FMN1: variants seen among roughly 807,000 people sequenced by gnomAD.
FMN1 encodes the protein formin-1.
Under a neutral mutation model 132.4 loss-of-function variants are expected in FMN1, and 110 were observed. The observed-to-expected ratio is 0.83, with a 90% CI of 0.71 to 0.97. The LOEUF is 0.97. Ranked by LOEUF, FMN1 falls within the 50% of genes least tolerant of loss-of-function variation. The pLI is 0.00. For synonymous variants in FMN1, 722 were observed against 651.7 expected (o/e 1.11, Z -1.64); for missense variants, 1,792 against 1,705.3 (o/e 1.05, Z -0.90).
At chr15:32,992,491 T>A (rs1414594364) in intron 7 of FMN1, among the ~76,000 whole-genome samples, 1 of 152,148 alleles carries the variant, frequency 6.6e-6, no homozygotes, top group Non-Finnish European at 1.5e-5. Flanking sequence ...ATTAGAAATA[T>A]CAAAAGATGC....
intron 12 of FMN1, among the ~76,000 whole-genome samples, chr15:32,904,216 T>TG (rs1435304587): frequency 6.6e-6 from 1 of 151,952 alleles, no homozygotes; most frequent in Admixed American, 6.6e-5. Flanking sequence ...TCAAGTGTCA[T>TG]GGGGGGAACA....
chr15:32,861,414 A>AT (rs2059265374), intron 16 of FMN1, among the ~76,000 whole-genome samples: 1 of 152,198 alleles, frequency 6.6e-6, no homozygotes, highest in Admixed American at 6.5e-5. Context: ...TTATGAGGCC[A>AT]TATCATGGGG....
chr15:33,136,065 A>G (rs1053465396), intron 4 of FMN1, among the ~76,000 whole-genome samples: 1 of 152,258 alleles, frequency 6.6e-6, no homozygotes, highest in Admixed American at 6.5e-5. Flanking sequence ...AGATATAAAT[A>G]TAAATAATCA....
intron 15 of FMN1, among the ~76,000 whole-genome samples, chr15:32,894,890 TA>T (rs889389480): frequency 6.6e-6 from 1 of 152,064 alleles, no homozygotes; most frequent in Non-Finnish European, 1.5e-5. Flanking sequence ...GGTATTATAC[TA>T]TATGTTATTT....
In FMN1 at chr15:32,926,183, T is replaced by A; in HGVS notation, c.3217A>T (p.Ile1073Phe). ...ISSLHLEMKD[I>F]QQAIFNVDDS... ...GATAGAAAAGACTTACCCTGTTGGA[T>A]ATCCTTCATTTCTAAATGTAAACTA... Residue 1073 changes from isoleucine (I) to phenylalanine (F), a missense_variant, in exon 10 of 21, where the codon ATC becomes TTC. Ile to Phe is a conservative substitution (Grantham distance 21). Coordinates refer to ENST00000616417, the MANE Select transcript of FMN1 (RefSeq NM_001277313.2). The A allele has an allele frequency of 6.6e-7, 1 of 1,513,164 alleles. No homozygotes were observed. Among genetic ancestry groups the A allele is most frequent in the Non-Finnish European group, 9.0e-7 (1 of 1,110,592 alleles). The allele number at this position is 1,513,164 out of a possible 1,614,324, so 93.7% of individuals were successfully genotyped here.
At chr15:33,171,436 C>T (rs1049502317) in intron 3 of FMN1, among the ~76,000 whole-genome samples, 4 of 152,162 alleles carry the variant, frequency 2.6e-5, no homozygotes, top group Non-Finnish European at 5.9e-5. Context: ...TTAATCATTA[C>T]ACATTCTATG....
At chr15:33,015,634 T>C (rs2034999218) in intron 6 of FMN1, among the ~76,000 whole-genome samples, 1 of 152,158 alleles carries the variant, frequency 6.6e-6, no homozygotes, top group South Asian at 2.1e-4. Context: ...TCCTGATATG[T>C]CCGGCCTGTG....
chr15:33,029,931 G>A (rs562735346), intron 6 of FMN1, among the ~76,000 whole-genome samples: 1 of 152,354 alleles, frequency 6.6e-6, no homozygotes, highest in Non-Finnish European at 1.5e-5. Flanking sequence ...ACCGAGGCAG[G>A]CAGATCATGA....
chr15:33,045,656 A>T (rs2036643958), intron 6 of FMN1, among the ~76,000 whole-genome samples: 1 of 152,208 alleles, frequency 6.6e-6, no homozygotes, highest in Non-Finnish European at 1.5e-5. Context: ...CTGATCTGGT[A>T]ATTAACTGGC....
chr15:32,915,503 T>C (rs1051427561), intron 10 of FMN1, among the ~76,000 whole-genome samples: 2 of 152,270 alleles, frequency 1.3e-5, no homozygotes, highest in Non-Finnish European at 2.9e-5. Flanking sequence ...CCCTCCATTT[T>C]ATACTTTGAA....
intron 6 of FMN1, chr15:33,062,661 T>G (rs1435210952): frequency 6.6e-6 from 1 of 152,090 alleles, no homozygotes; most frequent in Non-Finnish European, 1.5e-5. Flanking sequence ...AGAACAGTAG[T>G]CTATAATGAT....
At chr15:32,951,769 T>C (rs1034683168) in intron 9 of FMN1, among the ~76,000 whole-genome samples, 13 of 152,168 alleles carry the variant, frequency 8.5e-5, no homozygotes, top group Admixed American at 6.5e-4. Flanking sequence ...GAGAAAACTG[T>C]ACGAAGGGGC....
At chr15:33,134,236 A>C (rs976725443) in intron 4 of FMN1, among the ~76,000 whole-genome samples, 2 of 152,220 alleles carry the variant, frequency 1.3e-5, no homozygotes, top group Non-Finnish European at 2.9e-5. Context: ...AGTGTGAGCC[A>C]CTACACCCAG....
intron 7 of FMN1, among the ~76,000 whole-genome samples, chr15:32,990,271 A>G (rs1331298526): frequency 6.6e-6 from 1 of 152,176 alleles, no homozygotes; most frequent in South Asian, 2.1e-4. Context: ...CTGCAGAGGC[A>G]ACACTGGGAG....
At chr15:32,973,728 T>C (rs1233935929) in intron 7 of FMN1, among the ~76,000 whole-genome samples, 1 of 152,236 alleles carries the variant, frequency 6.6e-6, no homozygotes, top group Non-Finnish European at 1.5e-5. Flanking sequence ...TCTCTGTCTG[T>C]CCATATCATA....
intron 7 of FMN1, among the ~76,000 whole-genome samples, chr15:33,007,032 T>C (rs1214310975): frequency 2.0e-5 from 3 of 152,114 alleles, no homozygotes; most frequent in African/African-American, 7.2e-5. Context: ...TACTTTAAAA[T>C]TTCTAAAAGA....
chr15:33,108,081 G>C (rs907761332), intron 4 of FMN1, among the ~76,000 whole-genome samples: 3 of 152,026 alleles, frequency 2.0e-5, no homozygotes, highest in African/African-American at 7.2e-5. Context: ...AGAGTCTCGT[G>C]ATTTCTCTGG....
In FMN1 at chr15:33,123,736, C is replaced by T. The variant is rs192349710; in HGVS notation, c.1867+29312G>A. 1.8e-3 allele frequency among the ~76,000 whole-genome samples: 272 copies of T among 152,280 alleles called. 1 individual carries two copies. Among genetic ancestry groups the T allele is most frequent in the African/African-American group, 6.3e-3 (262 of 41,560 alleles). On this transcript the variant is annotated intron_variant, in intron 4 of 20. Transcript: ENST00000616417. ...CACTCCAACATCAGCACATTGCTTCCTCCATTTGGCCTTTTGGCTCCACTA... is the reference window on the plus strand; with the variant it reads ...CACTCCAACATCAGCACATTGCTTCTTCCATTTGGCCTTTTGGCTCCACTA...
chr15:33,103,020 A>C (rs2039351934), intron 4 of FMN1, among the ~76,000 whole-genome samples: 1 of 152,162 alleles, frequency 6.6e-6, no homozygotes, highest in Non-Finnish European at 1.5e-5. Flanking sequence ...TTAATGGGGC[A>C]GAACCTTACT....
Sources: gnomAD v4.1 joint callset for allele counts (sites outside exome capture counted in the v4.1 genomes callset) on GRCh38, gnomAD v4.1.1 for gene constraint, MANE v1.5 for transcripts, NCBI Gene and HGNC (gene_info 2026-07-23, HGNC 2026-07-21) for gene names.